OCA2: variants seen among roughly 807,000 people sequenced by gnomAD.
OCA2 encodes the protein OCA2 melanosomal transmembrane protein, also known as P protein.
A neutral mutation model predicts 100.2 loss-of-function variants in OCA2; 77 were observed. The observed-to-expected ratio is 0.77, with a 90% confidence interval of 0.64 to 0.93. OCA2 has a LOEUF of 0.93. Among genes scored for constraint, OCA2 ranks in the 40% least tolerant of loss-of-function variants. The pLI, the probability that OCA2 is intolerant of heterozygous loss-of-function variation, is 0.00. For missense variants in OCA2, 1,062 were observed against 1,089.1 expected (o/e 0.98, Z 0.35); for synonymous variants, 432 against 439.2 (o/e 0.98, Z 0.21).
At chr15:27,899,316 T>C (rs1343888340) in intron 19 of OCA2, among the ~76,000 whole-genome samples, 3 of 152,146 alleles carry the variant, frequency 2.0e-5, no homozygotes, top group East Asian at 1.9e-4. Flanking sequence ...TGTGCAGCAA[T>C]AGGAGATGAA....
At chr15:28,066,853 C>T (rs543370208) in intron 2 of OCA2, among the ~76,000 whole-genome samples, 2 of 152,314 alleles carry the variant, frequency 1.3e-5, no homozygotes, top group East Asian at 3.9e-4. Flanking sequence ...TTATCCTAAT[C>T]CGGACATTCC....
At chr15:27,871,725 G>A (rs2036582062) in intron 20 of OCA2, 138 bp downstream of exon 20, 1 of 711,716 alleles carries the variant, frequency 1.4e-6, no homozygotes, top group South Asian at 1.6e-5. Context: ...GGCTGCACAG[G>A]ATAGAACAGG....
At chr15:27,906,695 T>C (rs534228970) in intron 19 of OCA2, among the ~76,000 whole-genome samples, 154 of 150,656 alleles carry the variant, frequency 1.0e-3, no homozygotes, top group African/African-American at 3.7e-3. Flanking sequence ...AATCAAGATA[T>C]AAACAAAACG....
intron 9 of OCA2, among the ~76,000 whole-genome samples, chr15:27,991,607 T>C (rs747409204): frequency 3.9e-5 from 6 of 152,122 alleles, no homozygotes; most frequent in Non-Finnish European, 8.8e-5. Context: ...GGGATCCTTA[T>C]GGGGTGATGA....
the OCA2 span, among the ~76,000 whole-genome samples, chr15:27,726,948 C>G: frequency 5.4e-4 from 82 of 152,310 alleles, 1 homozygote; most frequent in African/African-American, 1.9e-3. Flanking sequence ...ATGGCAGAAG[C>G]TAAACCCTGC....
intron 13 of OCA2, 95 bp downstream of exon 13, chr15:27,984,969 C>A: frequency 2.0e-6 from 3 of 1,478,418 alleles, no homozygotes; most frequent in Middle Eastern, 1.8e-4. Flanking sequence ...CCTTTTCATG[C>A]ACCTGAGAAT....
chr15:27,977,771 G>A (rs141270951), intron 14 of OCA2, among the ~76,000 whole-genome samples: 165 of 152,184 alleles, frequency 1.1e-3, no homozygotes, highest in Middle Eastern at 3.4e-3. Context: ...CCTCACACTG[G>A]GATTAATGCC....
chr15:27,780,018 A>G (rs545100243), intron 23 of OCA2, among the ~76,000 whole-genome samples: 2 of 152,358 alleles, frequency 1.3e-5, no homozygotes, highest in South Asian at 4.1e-4. Context: ...TTACCATAAC[A>G]AAAATGTGTC....
At chr15:28,002,689 G>A (rs984183816) in intron 9 of OCA2, among the ~76,000 whole-genome samples, 1 of 152,114 alleles carries the variant, frequency 6.6e-6, no homozygotes, top group Non-Finnish European at 1.5e-5. Context: ...CAGGCCACGC[G>A]GGAGCCTCAC....
intron 19 of OCA2, among the ~76,000 whole-genome samples, chr15:27,911,275 C>T (rs535705184): frequency 1.8e-3 from 267 of 152,070 alleles, no homozygotes; most frequent in Middle Eastern, 6.8e-3. Flanking sequence ...CAAAAATTAG[C>T]CAGGTGTGGT....
In OCA2 at chr15:28,098,386, T is replaced by C. The variant is rs74007951; in HGVS notation, c.-22+838A>G. Among the ~76,000 whole-genome samples the C allele has an allele frequency of 8.9e-3, 1,351 of 152,326 alleles. 20 individuals carry two copies. Among genetic ancestry groups the C allele is most frequent in the African/African-American group, 0.031 (1,295 of 41,582 alleles). On this transcript the variant is annotated intron_variant, in intron 1 of 23. Transcript: ENST00000354638. ...CCGTCCCAGGGTCCTGGATGGCAGATGCCATGCCCGCCCCGCGAAGCTCAG... is the reference window on the plus strand; with the variant it reads ...CCGTCCCAGGGTCCTGGATGGCAGACGCCATGCCCGCCCCGCGAAGCTCAG...
chr15:27,977,256 T>C (rs2041000664), intron 14 of OCA2, among the ~76,000 whole-genome samples: 1 of 152,142 alleles, frequency 6.6e-6, no homozygotes, highest in South Asian at 2.1e-4. Flanking sequence ...TCTGTATATA[T>C]TTTTTTCTTC....
At chr15:28,024,294 C>T (rs985523446) in intron 5 of OCA2, among the ~76,000 whole-genome samples, 2 of 152,338 alleles carry the variant, frequency 1.3e-5, no homozygotes, top group African/African-American at 2.4e-5. Flanking sequence ...GGGCATCTCA[C>T]GTTGGTTTGG....
chr15:27,818,077 G>A (rs2034370255), intron 23 of OCA2, among the ~76,000 whole-genome samples: 1 of 152,144 alleles, frequency 6.6e-6, no homozygotes, highest in African/African-American at 2.4e-5. Flanking sequence ...AACATTATCA[G>A]GTACTAGAAT....
intron 11 of OCA2, among the ~76,000 whole-genome samples, chr15:27,989,076 G>A (rs1043544385): frequency 4.6e-5 from 7 of 152,166 alleles, no homozygotes; most frequent in African/African-American, 7.2e-5. Flanking sequence ...GGCTCCACTG[G>A]TTCTAGTTAA....
chr15:27,797,436 AC>A (rs2033391217), intron 23 of OCA2, among the ~76,000 whole-genome samples: 1 of 152,096 alleles, frequency 6.6e-6, no homozygotes, highest in Non-Finnish European at 1.5e-5. Flanking sequence ...GGGAAGGAAA[AC>A]CAAGGTCTGT....
intron 23 of OCA2, among the ~76,000 whole-genome samples, chr15:27,832,009 C>T (rs2034978923): frequency 6.6e-6 from 1 of 151,890 alleles, no homozygotes; most frequent in African/African-American, 2.4e-5. Context: ...GCATTCACCA[C>T]CCCCTGCTCC....
intron 13 of OCA2, 99 bp from the exon 14 acceptor site, chr15:27,983,582 G>A: frequency 7.8e-7 from 1 of 1,287,530 alleles, no homozygotes; most frequent in Non-Finnish European, 1.1e-6. Context: ...TCGTATAAGG[G>A]AGGCGCGCAC....
chr15:27,797,818 TG>T (rs1208973976), intron 23 of OCA2, among the ~76,000 whole-genome samples: 1 of 152,116 alleles, frequency 6.6e-6, no homozygotes, highest in East Asian at 1.9e-4. Flanking sequence ...AGGAGCACCC[TG>T]GGGGCTCCAT....
Sources: allele counts gnomAD v4.1 joint callset (sites outside exome capture counted in the v4.1 genomes callset), GRCh38; gene constraint gnomAD v4.1.1; transcripts MANE v1.5; gene names NCBI Gene and HGNC (gene_info 2026-07-23, HGNC 2026-07-21).